NKAIN2: variants seen among roughly 807,000 people sequenced by gnomAD.
NKAIN2 encodes the protein sodium/potassium transporting ATPase interacting 2.
In NKAIN2, 14 loss-of-function variants were observed where a neutral mutation model predicts 32.6. That is an observed-to-expected ratio of 0.43 (90% confidence interval 0.28 to 0.67). The LOEUF (loss-of-function observed/expected upper bound fraction) is 0.67, where lower values mean the gene tolerates loss of function less well. Ranked by LOEUF, NKAIN2 falls within the 30% of genes least tolerant of loss-of-function variation. NKAIN2 has a pLI of 0.17. For missense variants in NKAIN2, 198 were observed against 258.3 expected (o/e 0.77, Z 1.60); for synonymous variants, 80 against 87.2 (o/e 0.92, Z 0.46).
At chr6:124,522,335 C>T (rs1779147980) in intron 3 of NKAIN2, among the ~76,000 whole-genome samples, 1 of 152,116 alleles carries the variant, frequency 6.6e-6, no homozygotes, top group South Asian at 2.1e-4. Flanking sequence ...CAATCATGTA[C>T]ACACTCTTCG....
intron 1 of NKAIN2, among the ~76,000 whole-genome samples, chr6:123,891,687 A>G (rs1283706206): frequency 1.3e-5 from 2 of 152,210 alleles, no homozygotes; most frequent in East Asian, 3.8e-4. Flanking sequence ...AGCTTTAGCA[A>G]TAAACAGAGG....
chr6:123,853,923 C>G (rs757895627), intron 1 of NKAIN2, among the ~76,000 whole-genome samples: 4 of 152,078 alleles, frequency 2.6e-5, no homozygotes, highest in Non-Finnish European at 5.9e-5. Context: ...CAGGTGCCCA[C>G]CACCACACCC....
chr6:123,955,588 A>C (rs1562276729), intron 1 of NKAIN2, among the ~76,000 whole-genome samples: 1 of 99,526 alleles, frequency 1.0e-5, no homozygotes, highest in East Asian at 3.3e-4. Flanking sequence ...ACATTTAAAC[A>C]TTTTTTATTT....
intron 2 of NKAIN2, among the ~76,000 whole-genome samples, chr6:124,294,907 T>G (rs1795984081): frequency 6.6e-6 from 1 of 152,158 alleles, no homozygotes; most frequent in African/African-American, 2.4e-5. Flanking sequence ...CTTCATATTT[T>G]TTTCTTTTAA....
At chr6:124,552,142 G>T (rs1780311066) in intron 3 of NKAIN2, among the ~76,000 whole-genome samples, 1 of 152,144 alleles carries the variant, frequency 6.6e-6, no homozygotes, top group Admixed American at 6.5e-5. Flanking sequence ...TCCTTGACAT[G>T]CAGAAACTCT....
intron 1 of NKAIN2, among the ~76,000 whole-genome samples, chr6:123,992,278 G>A (rs1431349898): frequency 6.6e-6 from 1 of 152,180 alleles, no homozygotes; most frequent in Admixed American, 6.5e-5. Flanking sequence ...GGAGGAAAGA[G>A]GAAGGAATGG....
chr6:124,159,971 C>G (rs1217619920), intron 1 of NKAIN2, among the ~76,000 whole-genome samples: 1 of 152,126 alleles, frequency 6.6e-6, no homozygotes, highest in Admixed American at 6.6e-5. Flanking sequence ...TCTTACTACT[C>G]CTTTCTTGTT....
intron 1 of NKAIN2, among the ~76,000 whole-genome samples, chr6:123,881,287 G>A (rs1028881084): frequency 4.6e-5 from 7 of 152,140 alleles, no homozygotes; most frequent in Non-Finnish European, 7.3e-5. Flanking sequence ...CTCCCAAAGT[G>A]CTGGGATTAC....
rs111800983 is a variant in NKAIN2, at chr6:124,637,895, C to T, written c.274-20291C>T. Reference sequence around the variant, plus strand: ...CAAAATATCAATGACATTCTTCAAACAGCAAAAACAATTCTAATACTTGTA... The same window carrying T: ...CAAAATATCAATGACATTCTTCAAATAGCAAAAACAATTCTAATACTTGTA... On this transcript the variant is annotated intron_variant, in intron 3 of 6. Transcript: ENST00000368417. Among the ~76,000 whole-genome samples the T allele has an allele frequency of 6.4e-3, 967 of 152,152 alleles. 14 individuals carry two copies. Among genetic ancestry groups the T allele is most frequent in the African/African-American group, 0.022 (928 of 41,544 alleles).
chr6:123,851,306 A>G lies in NKAIN2; in HGVS notation c.54+47052A>G, dbSNP rs574764949. On this transcript the variant is annotated intron_variant, in intron 1 of 6. Transcript: ENST00000368417. The stretch of plus-strand genomic sequence containing the variant: ...GCTCTGTCTCTCAGGCTGGAGTGCA[A>G]TGGTGCAATCTCGGCTCACTACAAC... 7.8e-5 allele frequency among the ~76,000 whole-genome samples: 10 copies of G among 127,432 alleles called. No individual in the cohort carries two copies. The East Asian group carries it at 2.2e-3, about 27-fold the overall frequency. 83.6% of individuals were successfully genotyped at this position (127,432 alleles called of 152,430 possible). A position where few individuals can be genotyped will look rare whatever the true frequency, so the allele number is the denominator to read the frequency against.
At chr6:124,229,539 G>GATAGAT (rs1792331814) in intron 1 of NKAIN2, among the ~76,000 whole-genome samples, 2 of 148,876 alleles carry the variant, frequency 1.3e-5, no homozygotes, top group Non-Finnish European at 3.0e-5. Flanking sequence ...TAGATAGACA[G>GATAGAT]ACAGACAGAC....
chr6:123,959,927 G>A (rs781601340), intron 1 of NKAIN2, among the ~76,000 whole-genome samples: 255 of 17,914 alleles, frequency 0.014, no homozygotes, highest in Non-Finnish European at 0.019. Context: ...TTCCATATAT[G>A]TGTGTGTGTG....
intron 1 of NKAIN2, among the ~76,000 whole-genome samples, chr6:123,814,832 A>G (rs1325902230): frequency 6.6e-6 from 1 of 152,242 alleles, no homozygotes; most frequent in Non-Finnish European, 1.5e-5. Context: ...ATGAAGAGCC[A>G]GACGTGCAGG....
intron 1 of NKAIN2, among the ~76,000 whole-genome samples, chr6:124,026,605 C>T (rs990273419): frequency 1.3e-5 from 2 of 152,168 alleles, no homozygotes; most frequent in African/African-American, 2.4e-5. Context: ...TTAAGAGACA[C>T]TCATCATCAA....
chr6:124,791,785 A>G (rs1458873637), intron 5 of NKAIN2, among the ~76,000 whole-genome samples: 1 of 152,160 alleles, frequency 6.6e-6, no homozygotes, highest in Non-Finnish European at 1.5e-5. Context: ...ACCCAAGACT[A>G]CAAATCCCCA....
intron 1 of NKAIN2, among the ~76,000 whole-genome samples, chr6:123,883,650 A>G (rs9398743): frequency 9.1e-6 from 1 of 109,700 alleles, no homozygotes; most frequent in South Asian, 3.3e-4. Context: ...TTAAAAAAAA[A>G]TTTTTTTTAA....
intron 3 of NKAIN2, among the ~76,000 whole-genome samples, chr6:124,522,966 A>T (rs1352687864): frequency 6.7e-6 from 1 of 149,484 alleles, no homozygotes; most frequent in African/African-American, 2.5e-5. Context: ...AAACGGTGAA[A>T]CCCCGTCTCT....
chr6:123,968,382 A>C (rs1435630164), intron 1 of NKAIN2, among the ~76,000 whole-genome samples: 1 of 152,208 alleles, frequency 6.6e-6, no homozygotes, highest in African/African-American at 2.4e-5. Context: ...GGACAATTTA[A>C]AAACAATTAA....
intron 1 of NKAIN2, among the ~76,000 whole-genome samples, chr6:123,838,361 C>T (rs1774718545): frequency 6.6e-6 from 1 of 152,044 alleles, no homozygotes. Flanking sequence ...GCTTTTATTA[C>T]CTCATAAATT....
Sources: allele counts gnomAD v4.1 joint callset (sites outside exome capture counted in the v4.1 genomes callset), GRCh38; gene constraint gnomAD v4.1.1; transcripts MANE v1.5; gene names NCBI Gene and HGNC (gene_info 2026-07-23, HGNC 2026-07-21).